The following HHAT variants were observed in gnomAD, a reference collection of about 807,000 sequenced individuals.
HHAT encodes the protein protein-cysteine N-palmitoyltransferase HHAT.
In HHAT, 47 loss-of-function variants were observed where a neutral mutation model predicts 70.8. The ratio of observed to expected loss-of-function variants is 0.66; its 90% CI spans 0.53 to 0.85. The LOEUF (loss-of-function observed/expected upper bound fraction) is 0.85. Among genes scored for constraint, HHAT ranks in the 40% least tolerant of loss-of-function variants. The pLI, the probability that HHAT is intolerant of heterozygous loss-of-function variation, is 0.00. For missense variants in HHAT, 609 were observed against 604.8 expected (o/e 1.01, Z -0.07); for synonymous variants, 228 against 247.6 (o/e 0.92, Z 0.74).
intron 11 of HHAT, among the ~76,000 whole-genome samples, chr1:210,658,019 C>T (rs1676815685): frequency 6.6e-6 from 1 of 152,198 alleles, no homozygotes; most frequent in South Asian, 2.1e-4. Flanking sequence ...TGAATGGGTA[C>T]TCTGAAGTCA....
intron 9 of HHAT, among the ~76,000 whole-genome samples, chr1:210,577,652 T>A (rs1658171873): frequency 7.8e-6 from 1 of 128,094 alleles, no homozygotes; most frequent in African/African-American, 3.3e-5. Context: ...TTTTTTTTTT[T>A]TTTTTTTTTT....
At chr1:210,493,983 A>G (rs1290247504) in intron 8 of HHAT, among the ~76,000 whole-genome samples, 1 of 152,332 alleles carries the variant, frequency 6.6e-6, no homozygotes, top group Non-Finnish European at 1.5e-5. Context: ...GGTCTGATGA[A>G]CACAAGACAT....
At chr1:210,350,634 A>G (rs150508944) in intron 2 of HHAT, among the ~76,000 whole-genome samples, 2 of 152,336 alleles carry the variant, frequency 1.3e-5, no homozygotes, top group East Asian at 1.9e-4. Flanking sequence ...ATTATAGCTT[A>G]TTAATTCCAG....
intron 7 of HHAT, among the ~76,000 whole-genome samples, chr1:210,433,726 A>G (rs534468617): frequency 6.6e-6 from 1 of 151,904 alleles, no homozygotes; most frequent in African/African-American, 2.4e-5. Flanking sequence ...TTTTCTTCCC[A>G]TTTATTTTTC....
intron 9 of HHAT, among the ~76,000 whole-genome samples, chr1:210,528,255 C>T (rs1156639694): frequency 2.0e-5 from 3 of 152,104 alleles, no homozygotes; most frequent in Non-Finnish European, 4.4e-5. Context: ...CTCCCAAGAT[C>T]TTTGGGGTGG....
chr1:210,441,746 A>G (rs182753092), intron 7 of HHAT, among the ~76,000 whole-genome samples: 57 of 152,314 alleles, frequency 3.7e-4, no homozygotes, highest in Middle Eastern at 3.4e-3. Context: ...GCAACAAATA[A>G]TCTGCTAGAC....
chr1:210,358,153 A>G (rs758250106), intron 2 of HHAT, among the ~76,000 whole-genome samples: 11 of 152,172 alleles, frequency 7.2e-5, no homozygotes, highest in Non-Finnish European at 1.3e-4. Flanking sequence ...TCTGTTTCTC[A>G]GCTGGTGCTC....
chr1:210,409,149 C>T (rs1249477640), intron 6 of HHAT, among the ~76,000 whole-genome samples: 3 of 152,182 alleles, frequency 2.0e-5, no homozygotes, highest in African/African-American at 7.2e-5. Flanking sequence ...TACAGGCACA[C>T]ACCATTGTGC....
chr1:210,432,036 T>C (rs564205132), intron 7 of HHAT, among the ~76,000 whole-genome samples: 1 of 151,888 alleles, frequency 6.6e-6, no homozygotes, highest in East Asian at 1.9e-4. Context: ...TTTCCTGATA[T>C]CATTATTAAT....
At chr1:210,480,001 G>T (rs1458461265) in intron 8 of HHAT, among the ~76,000 whole-genome samples, 1 of 152,142 alleles carries the variant, frequency 6.6e-6, no homozygotes, top group African/African-American at 2.4e-5. Context: ...GGCTAATGAT[G>T]CCTACCTGCT....
At chr1:210,569,125 T>C (rs1655495396) in intron 9 of HHAT, among the ~76,000 whole-genome samples, 1 of 151,966 alleles carries the variant, frequency 6.6e-6, no homozygotes, top group South Asian at 2.1e-4. Context: ...TGTAATCCCA[T>C]CACTTTGGGA....
chr1:210,385,317 T>G (rs1266538616), intron 3 of HHAT, among the ~76,000 whole-genome samples: 1 of 151,758 alleles, frequency 6.6e-6, no homozygotes, highest in Admixed American at 6.6e-5. Flanking sequence ...GTCTTTTAGC[T>G]GTATCCCTGT....
intron 11 of HHAT, among the ~76,000 whole-genome samples, chr1:210,633,165 G>A (rs1435810893): frequency 6.6e-6 from 1 of 152,212 alleles, no homozygotes; most frequent in African/African-American, 2.4e-5. Context: ...GTATGAAGTT[G>A]GGGTAGGGAG....
chr1:210,675,292 C>T lies in HHAT; in HGVS notation c.*913C>T, dbSNP rs532343680. The T allele has an allele frequency of 6.6e-6, 1 of 152,270 alleles. No homozygotes were observed. Among genetic ancestry groups the T allele is most frequent in the East Asian group, 1.9e-4 (1 of 5,180 alleles). The allele number at this position is 152,270 out of a possible 1,614,324, so 9.4% of individuals were successfully genotyped here. ...AGGTTTGATTCAAACAGAGCCTTTT[C>T]TGTCCTGTAGATAATCTACATGTTT... On this transcript the variant is annotated 3_prime_UTR_variant, in exon 12 of 12. Transcript: ENST00000261458.
intron 11 of HHAT, among the ~76,000 whole-genome samples, chr1:210,653,417 G>A (rs1675603790): frequency 6.6e-6 from 1 of 152,016 alleles, no homozygotes; most frequent in African/African-American, 2.4e-5. Context: ...AGCTACTTGG[G>A]GGAGAGGGGT....
At position 210,336,784 on chromosome 1, in the gene HHAT, G is replaced by A. The variant is rs572945687; in HGVS notation, c.-44+7680G>A. ...GGTGACAGAGTGAGACCCTGTTTAA[G>A]AAAAAAATAAAAAATAAGAAAAAGG... On this transcript the variant is annotated intron_variant, in intron 1 of 11. Coordinates refer to ENST00000261458, the MANE Select transcript of HHAT (RefSeq NM_018194.6). Among the ~76,000 whole-genome samples, 116 of 151,818 alleles carry A rather than the reference G, an allele frequency of 7.6e-4. 1 individual carries two copies. The highest frequency in any genetic ancestry group is 4.0e-4 in the Non-Finnish European group (27 of 67,900).
At chr1:210,515,028 C>T (rs1451888531) in intron 9 of HHAT, among the ~76,000 whole-genome samples, 2 of 152,156 alleles carry the variant, frequency 1.3e-5, no homozygotes, top group African/African-American at 4.8e-5. Flanking sequence ...GGCAGGAGGC[C>T]CTTTTGGGCA....
At chr1:210,637,584 G>A (rs897385424) in intron 11 of HHAT, among the ~76,000 whole-genome samples, 7 of 152,058 alleles carry the variant, frequency 4.6e-5, no homozygotes, top group Non-Finnish European at 7.4e-5. Flanking sequence ...ATGGGCAACC[G>A]GGCATGGTGG....
intron 9 of HHAT, among the ~76,000 whole-genome samples, chr1:210,569,286 A>G (rs1237344045): frequency 2.7e-5 from 4 of 147,882 alleles, no homozygotes; most frequent in Non-Finnish European, 6.0e-5. Flanking sequence ...AGGCAGGAGA[A>G]TCGCTTGAAC....
Sources: gnomAD v4.1 joint callset for allele counts (sites outside exome capture counted in the v4.1 genomes callset) on GRCh38, gnomAD v4.1.1 for gene constraint, MANE v1.5 for transcripts, NCBI Gene and HGNC (gene_info 2026-07-23, HGNC 2026-07-21) for gene names.